Variants in SEZ6L observed in about 807,000 individuals in gnomAD.
The protein encoded by SEZ6L is seizure 6-like protein.
In SEZ6L, 37 loss-of-function variants were observed where a neutral mutation model predicts 106.2. The observed-to-expected ratio is 0.35, with a 90% CI of 0.27 to 0.46. The LOEUF (loss-of-function observed/expected upper bound fraction) is 0.46, where lower values mean the gene tolerates loss of function less well. Among genes scored for constraint, SEZ6L ranks in the 20% least tolerant of loss-of-function variants. The pLI, the probability that SEZ6L is intolerant of heterozygous loss-of-function variation, is 1.00. For missense variants in SEZ6L, 1,172 were observed against 1,332.8 expected (o/e 0.88, Z 1.88); for synonymous variants, 541 against 570.4 (o/e 0.95, Z 0.73).
intron 1 of SEZ6L, among the ~76,000 whole-genome samples, chr22:26,188,824 A>G (rs936303103): frequency 1.3e-5 from 2 of 152,210 alleles, no homozygotes; most frequent in African/African-American, 4.8e-5. Flanking sequence ...GAATTCAGGA[A>G]TCTAAGGGCC....
At chr22:26,305,950 C>CAA in intron 5 of SEZ6L, 29 bp from the exon 6 acceptor site, 95 of 1,551,500 alleles carry the variant, frequency 6.1e-5, no homozygotes, top group Non-Finnish European at 7.3e-5. Flanking sequence ...TGCTCTCTCC[C>CAA]ATTGCCCACC....
intron 12 of SEZ6L, 155 bp downstream of exon 12, chr22:26,351,398 G>A (rs2083273690): frequency 1.7e-6 from 1 of 600,534 alleles, no homozygotes; most frequent in Middle Eastern, 3.4e-4. Context: ...AACACTGATT[G>A]GGAGCACACA....
At chr22:26,378,738 A>G (rs2084314625) in intron 16 of SEZ6L, among the ~76,000 whole-genome samples, 1 of 152,158 alleles carries the variant, frequency 6.6e-6, no homozygotes, top group Non-Finnish European at 1.5e-5. Flanking sequence ...AGGAAGCAAA[A>G]GGCTGGTTAT....
chr22:26,246,350 A>G (rs2079343921), intron 1 of SEZ6L, among the ~76,000 whole-genome samples: 1 of 152,208 alleles, frequency 6.6e-6, no homozygotes, highest in Admixed American at 6.5e-5. Flanking sequence ...CAACCTGAGT[A>G]TTTGGCATGT....
At chr22:26,175,680 C>T (rs1221413087) in intron 1 of SEZ6L, among the ~76,000 whole-genome samples, 3 of 152,214 alleles carry the variant, frequency 2.0e-5, no homozygotes, top group East Asian at 3.9e-4. Context: ...TGGTTGACAC[C>T]GAGATTATGT....
chr22:26,211,599 A>T (rs903370227), intron 1 of SEZ6L, among the ~76,000 whole-genome samples: 1 of 152,114 alleles, frequency 6.6e-6, no homozygotes, highest in African/African-American at 2.4e-5. Context: ...AGCCAATAGA[A>T]ATCAAGAAAG....
At chr22:26,347,539 A>C (rs926281443) in intron 10 of SEZ6L, among the ~76,000 whole-genome samples, 180 bp from the exon 11 acceptor site, 1 of 152,166 alleles carries the variant, frequency 6.6e-6, no homozygotes, top group Non-Finnish European at 1.5e-5. Context: ...GGGCCCACAG[A>C]GAGAGGTAAC....
Position 26,347,763 on chromosome 22 carries a change from A to G in SEZ6L, c.2257A>G (p.Asn753Asp). The G allele has an allele frequency of 1.9e-6, 3 of 1,609,656 alleles. No homozygotes were observed. The highest frequency in any genetic ancestry group is 2.5e-6 in the Non-Finnish European group (3 of 1,178,418). ...DSCSDLPEIQ[N>D]GWKTTSHTEL... Reference sequence around the variant, plus strand: ...CTGCTCGGATTTACCCGAGATCCAGAATGGCTGGAAAACCACTTCTCACAC... The same window carrying G: ...CTGCTCGGATTTACCCGAGATCCAGGATGGCTGGAAAACCACTTCTCACAC... The change falls in exon 11 of 17, where the codon AAT becomes GAT. Residue 753 changes from asparagine (N) to aspartate (D), a missense_variant. Physicochemically the swap from Asn to Asp is conservative, Grantham distance 23. This residue lies in a region of SEZ6L where 534 missense variants were observed against 691.0 expected (regional missense o/e 0.77). Transcript: ENST00000248933.
intron 11 of SEZ6L, among the ~76,000 whole-genome samples, chr22:26,348,442 ATGATTATGCCTC>A (rs1004533314): frequency 5.4e-5 from 8 of 147,154 alleles, no homozygotes; most frequent in Non-Finnish European, 1.2e-4. Context: ...TGTTTGAGCT[ATGATTATGCCTC>A]TGCCCTTTAG....
chr22:26,367,941 A>G (rs573052320), intron 13 of SEZ6L, among the ~76,000 whole-genome samples: 1 of 152,362 alleles, frequency 6.6e-6, no homozygotes, highest in East Asian at 1.9e-4. Context: ...AACACTCATC[A>G]CTAAAATTAA....
At chr22:26,312,359 G>A (rs1193489529) in intron 8 of SEZ6L, among the ~76,000 whole-genome samples, 1 of 152,218 alleles carries the variant, frequency 6.6e-6, no homozygotes, top group Non-Finnish European at 1.5e-5. Flanking sequence ...TTTGCTAAGA[G>A]TGTGTGTGCA....
At chr22:26,304,400 G>GA (rs1288084412) in intron 5 of SEZ6L, among the ~76,000 whole-genome samples, 2 of 144,650 alleles carry the variant, frequency 1.4e-5, no homozygotes, top group African/African-American at 5.2e-5. Context: ...AAGAAAGAAA[G>GA]AAAGAAAGAA....
At chr22:26,278,970 A>AAGGGAGGGAGGGAGGGAGGGACGAAGGG (rs71311556) in intron 1 of SEZ6L, among the ~76,000 whole-genome samples, 1 of 105,458 alleles carries the variant, frequency 9.5e-6, no homozygotes, top group Non-Finnish European at 2.1e-5. Flanking sequence ...AGGAGAGAGG[A>AAGGGAGGGAGGGAGGGAGGGACGAAGGG]AGGGAGGGAG....
chr22:26,303,666 T>C (rs1458970137), intron 5 of SEZ6L, among the ~76,000 whole-genome samples: 2 of 152,222 alleles, frequency 1.3e-5, no homozygotes, highest in Non-Finnish European at 2.9e-5. Context: ...ATTCAGTAAA[T>C]ATTTACTGAG....
At chr22:26,233,712 G>A (rs11705602) in intron 1 of SEZ6L, among the ~76,000 whole-genome samples, 27,818 of 152,202 alleles carry the variant, frequency 0.18, 2,998 homozygotes, top group South Asian at 0.33. Flanking sequence ...GAACACAGAT[G>A]ACAAACAAGT....
At chr22:26,183,455 A>AGCCCC (rs1180073165) in intron 1 of SEZ6L, among the ~76,000 whole-genome samples, 1 of 152,170 alleles carries the variant, frequency 6.6e-6, no homozygotes, top group Non-Finnish European at 1.5e-5. Context: ...GGGAGCCATG[A>AGCCCC]ATTTCTGGGA....
At chr22:26,376,567 C>A (rs544082971) in intron 15 of SEZ6L, among the ~76,000 whole-genome samples, 96 of 152,058 alleles carry the variant, frequency 6.3e-4, no homozygotes, top group Non-Finnish European at 1.2e-3. Context: ...CGTGGTGGAA[C>A]CCCGTCTCTA....
intron 1 of SEZ6L, among the ~76,000 whole-genome samples, chr22:26,268,132 A>G (rs2080248305): frequency 6.6e-6 from 1 of 152,216 alleles, no homozygotes; most frequent in South Asian, 2.1e-4. Context: ...CTTCCAATGC[A>G]TTCTCTGCCT....
chr22:26,306,044 A>G lies in SEZ6L; in HGVS notation c.1414A>G (p.Asn472Asp), dbSNP rs2081621040. ...GRVLSPSYPE[N>D]TNGSQFCIWT... is the part of the protein sequence containing the mutation. The stretch of plus-strand genomic sequence containing the variant: ...CGTCCTCTCCCCAAGTTACCCTGAA[A>G]ACACAAATGGGAGCCAATTCTGCAT... The change falls in exon 6 of 17, where the codon AAC (asparagine) becomes GAC (aspartate). Residue 472 changes from asparagine to aspartate, a missense_variant. By Grantham distance (23) the Asn-to-Asp change is conservative (BLOSUM62 1). Transcript: ENST00000248933. 1 of 1,614,118 alleles carries G rather than the reference A, an allele frequency of 6.2e-7. No individual in the cohort carries two copies. The highest frequency in any genetic ancestry group is 8.5e-7 in the Non-Finnish European group (1 of 1,180,014).
Sources: gnomAD v4.1 joint callset for allele counts (sites outside exome capture counted in the v4.1 genomes callset) on GRCh38, gnomAD v4.1.1 for gene constraint, gnomAD v4.1.1 regional missense constraint, MANE v1.5 for transcripts, NCBI Gene and HGNC (gene_info 2026-07-23, HGNC 2026-07-21) for gene names.